The following PALM2AKAP2 variants were observed in gnomAD, a reference collection of about 807,000 sequenced individuals.
PALM2AKAP2 encodes the protein PALM2 and AKAP2 fusion, also known as PALM2-AKAP2 fusion protein.
In PALM2AKAP2, 37 loss-of-function variants were observed where a neutral mutation model predicts 71.5. The observed-to-expected ratio is 0.52, with a 90% confidence interval of 0.40 to 0.68. The LOEUF is 0.68. Among genes scored for constraint, PALM2AKAP2 ranks in the 30% least tolerant of loss-of-function variants. The probability of loss-of-function intolerance (pLI) is 0.00; values close to 1 mark genes in which losing one functional copy is unlikely to be tolerated. For synonymous variants in PALM2AKAP2, 468 were observed against 478.8 expected, an observed-to-expected ratio of 0.98 and a Z score of 0.29; for missense variants, 1,224 against 1,191.8, an observed-to-expected ratio of 1.03 and a Z score of -0.40.
Position 110,135,164 on chromosome 9 carries a change from A to AAATATATAT in PALM2AKAP2, c.157-962_157-961insATATATATA. On this transcript the variant is annotated intron_variant, in intron 1 of 3. Coordinates refer to ENST00000374525, the Ensembl canonical transcript of PALM2AKAP2. ...AACTCTGTCTCTACAAAAAAAAAAA[A>AAATATATAT]ATATATAAATATATATATATATATA... Among the ~76,000 whole-genome samples, 23 of 51,728 alleles carry AAATATATAT rather than the reference A, an allele frequency of 4.4e-4. 1 individual carries two copies. Among genetic ancestry groups the AAATATATAT allele is most frequent in the African/African-American group, 1.5e-3 (20 of 13,628 alleles). The allele number at this position is 51,728 out of a possible 152,430, so 33.9% of individuals were successfully genotyped here.
intron 1 of PALM2AKAP2, among the ~76,000 whole-genome samples, chr9:109,855,907 G>C (rs2769142): frequency 0.27 from 40,595 of 152,098 alleles, 5,969 homozygotes; most frequent in Non-Finnish European, 0.31. Context: ...AACCTGAAAA[G>C]ATAGAGTAAT....
At chr9:110,046,018 A>G (rs1833590284), upstream of PALM2AKAP2, among the ~76,000 whole-genome samples, 1 of 152,066 alleles carries the variant, frequency 6.6e-6, no homozygotes, top group African/African-American at 2.4e-5. Context: ...GCCAGTAGCA[A>G]CCCCCCTAAT....
intron 1 of PALM2AKAP2, among the ~76,000 whole-genome samples, chr9:109,752,107 G>A (rs10124362): frequency 0.31 from 46,416 of 151,972 alleles, 7,247 homozygotes; most frequent in Middle Eastern, 0.4. Flanking sequence ...TGTGCTAGGT[G>A]CTGTAGTGCA....
chr9:109,912,680 C>G (rs1830595525), intron 3 of PALM2AKAP2, among the ~76,000 whole-genome samples: 1 of 151,926 alleles, frequency 6.6e-6, no homozygotes, highest in African/African-American at 2.4e-5. Flanking sequence ...ATAGATAGGA[C>G]AGATAGATTG....
chr9:109,910,345 T>C (rs938893417), intron 3 of PALM2AKAP2, among the ~76,000 whole-genome samples: 18 of 152,280 alleles, frequency 1.2e-4, no homozygotes, highest in East Asian at 3.9e-4. Flanking sequence ...ACATTCAAAA[T>C]ACAATTGTAC....
Position 109,689,927 on chromosome 9 carries a change from G to T in PALM2AKAP2, c.5+49061G>T, listed in dbSNP as rs377076455. ...TGAATGACTCCCAGGGGAGGAGTAAGCTAGAAGTGGAATGAGGCCAGGAAT... is the reference window on the plus strand; with the variant it reads ...TGAATGACTCCCAGGGGAGGAGTAATCTAGAAGTGGAATGAGGCCAGGAAT... On this transcript the variant is annotated intron_variant, in intron 1 of 6. Transcript: ENST00000374531. 1.5e-3 allele frequency among the ~76,000 whole-genome samples: 223 copies of T among 152,282 alleles called. 1 individual carries two copies. The highest frequency in any genetic ancestry group is 4.9e-3 in the African/African-American group (204 of 41,562).
At chr9:109,928,340 C>A (rs1831002881) in intron 5 of PALM2AKAP2, among the ~76,000 whole-genome samples, 1 of 152,200 alleles carries the variant, frequency 6.6e-6, no homozygotes, top group African/African-American at 2.4e-5. Flanking sequence ...TTCATAGCTA[C>A]TGTAAATATT....
At chr9:109,654,807 G>A (rs1177057003) in intron 1 of PALM2AKAP2, among the ~76,000 whole-genome samples, 4 of 148,912 alleles carry the variant, frequency 2.7e-5, no homozygotes, top group Non-Finnish European at 5.9e-5. Flanking sequence ...GCTTTTTAAA[G>A]CCTCCTTCTA....
chr9:110,048,301 C>T (rs1270808483), upstream of PALM2AKAP2, among the ~76,000 whole-genome samples: 1 of 152,118 alleles, frequency 6.6e-6, no homozygotes, highest in Non-Finnish European at 1.5e-5. Context: ...CACATACGCT[C>T]ATGCGCACAT....
At chr9:110,150,146 T>C (rs554793700) in intron 2 of PALM2AKAP2, among the ~76,000 whole-genome samples, 50 of 152,328 alleles carry the variant, frequency 3.3e-4, no homozygotes, top group African/African-American at 1.0e-3. Context: ...CTCCCCACCA[T>C]GTGTGGACAC....
chr9:109,693,060 C>T (rs963548326), intron 1 of PALM2AKAP2, among the ~76,000 whole-genome samples: 4 of 151,884 alleles, frequency 2.6e-5, no homozygotes, highest in Non-Finnish European at 5.9e-5. Context: ...GCATTGCACT[C>T]CTGTAAATGC....
intron 6 of PALM2AKAP2, among the ~76,000 whole-genome samples, chr9:109,960,766 A>C (rs978678566): frequency 2.6e-5 from 4 of 152,192 alleles, no homozygotes; most frequent in Admixed American, 2.0e-4. Flanking sequence ...TATGGTGTGC[A>C]GGTAGCCATG....
intron 3 of PALM2AKAP2, among the ~76,000 whole-genome samples, chr9:110,160,309 G>T (rs1369293335): frequency 6.6e-6 from 1 of 152,138 alleles, no homozygotes; most frequent in Non-Finnish European, 1.5e-5. Flanking sequence ...TCATATTGTG[G>T]GTTTCTCTTA....
chr9:109,949,223 A>G (rs886850135), intron 6 of PALM2AKAP2, among the ~76,000 whole-genome samples: 2 of 152,226 alleles, frequency 1.3e-5, no homozygotes, highest in Non-Finnish European at 2.9e-5. Flanking sequence ...CATGGAGCGC[A>G]TGACCTCTTG....
chr9:109,691,859 TATATATATAC>T lies in PALM2AKAP2; in HGVS notation c.5+50995_5+51004del, dbSNP rs1198543371. On this transcript the variant is annotated intron_variant, in intron 1 of 6. Coordinates refer to the PALM2AKAP2 transcript ENST00000374531. ...ATATATATATATATATATATATATA[TATATATATAC>T]ACACACACACACATATATATATATA... Among the ~76,000 whole-genome samples, 47 of 45,640 alleles carry T rather than the reference TATATATATAC, an allele frequency of 1.0e-3. 4 individuals are homozygous for T. The East Asian group carries it at 0.047, about 46-fold the overall frequency. 29.9% of individuals were successfully genotyped at this position (45,640 alleles called of 152,430 possible).
intron 1 of PALM2AKAP2, among the ~76,000 whole-genome samples, chr9:110,111,691 T>A (rs1835256639): frequency 1.3e-5 from 2 of 151,970 alleles, no homozygotes. Context: ...GGTTCAGGGC[T>A]ACATGTTTAT....
chr9:109,773,496 T>G (rs112686744), intron 1 of PALM2AKAP2, among the ~76,000 whole-genome samples: 4,635 of 152,288 alleles, frequency 0.03, 86 homozygotes, highest in Non-Finnish European at 0.035. Context: ...GCCCTACTTT[T>G]GAAGTATTTT....
chr9:110,109,820 A>T (rs925163170), intron 1 of PALM2AKAP2, among the ~76,000 whole-genome samples: 28 of 151,564 alleles, frequency 1.8e-4, no homozygotes, highest in Non-Finnish European at 3.2e-4. Flanking sequence ...AGTTTCTTTT[A>T]AAAAAAAAGT....
chr9:109,671,141 C>T (rs556599416), intron 1 of PALM2AKAP2, among the ~76,000 whole-genome samples: 2 of 151,908 alleles, frequency 1.3e-5, no homozygotes, highest in African/African-American at 4.8e-5. Context: ...TCCCACATGT[C>T]ATTTTTTTGC....
Sources: gnomAD v4.1 joint callset for allele counts (sites outside exome capture counted in the v4.1 genomes callset) on GRCh38, gnomAD v4.1.1 for gene constraint, MANE v1.5 for transcripts, NCBI Gene and HGNC (gene_info 2026-07-23, HGNC 2026-07-21) for gene names.